Variants in RIN2 observed in about 807,000 individuals in gnomAD.
The protein encoded by RIN2 is RAB5 interacting protein 2.
In RIN2, 36 loss-of-function variants were observed where a neutral mutation model predicts 78.0. That is an observed-to-expected ratio of 0.46 (90% CI 0.35 to 0.61). The LOEUF (loss-of-function observed/expected upper bound fraction) is 0.61. Among genes scored for constraint, RIN2 ranks in the 20% least tolerant of loss-of-function variants. The probability of loss-of-function intolerance (pLI) is 0.00; values close to 1 mark genes in which losing one functional copy is unlikely to be tolerated. For missense variants in RIN2, 1,087 were observed against 1,159.7 expected, an observed-to-expected ratio of 0.94 and a Z score of 0.91; for synonymous variants, 466 against 466.8, an observed-to-expected ratio of 1.00 and a Z score of 0.02.
intron 3 of RIN2, among the ~76,000 whole-genome samples, chr20:19,904,234 A>AG (rs1258625134): frequency 2.2e-5 from 2 of 91,688 alleles, no homozygotes; most frequent in African/African-American, 6.5e-5. Context: ...TTCGTCTCAA[A>AG]AAAAAAATAT....
intron 8 of RIN2, among the ~76,000 whole-genome samples, chr20:19,971,341 A>G (rs2042101143): frequency 6.6e-6 from 1 of 152,036 alleles, no homozygotes; most frequent in Admixed American, 6.6e-5. Flanking sequence ...CCTGCCGGGG[A>G]TCCTTGGTCT....
At chr20:19,931,637 C>A (rs1311335806) in intron 3 of RIN2, among the ~76,000 whole-genome samples, 2 of 150,636 alleles carry the variant, frequency 1.3e-5, no homozygotes, top group Admixed American at 6.6e-5. Context: ...ATCCATGTAT[C>A]TTTTTCCTTG....
chr20:19,946,423 T>G (rs898324048), intron 4 of RIN2, among the ~76,000 whole-genome samples: 1 of 152,134 alleles, frequency 6.6e-6, no homozygotes, highest in African/African-American at 2.4e-5. Context: ...ATCTACAGGA[T>G]GATCTTCCCA....
At chr20:19,849,249 T>A (rs1224252869) in intron 2 of RIN2, among the ~76,000 whole-genome samples, 1 of 152,214 alleles carries the variant, frequency 6.6e-6, no homozygotes, top group East Asian at 1.9e-4. Context: ...GCCATCTGAA[T>A]ATAGACAGAC....
At chr20:19,980,036 C>G (rs1326424651) in intron 9 of RIN2, among the ~76,000 whole-genome samples, 1 of 101,292 alleles carries the variant, frequency 9.9e-6, no homozygotes, top group Admixed American at 1.3e-4. Context: ...AAGAGTGAAA[C>G]TCCATCTCAA....
intron 2 of RIN2, among the ~76,000 whole-genome samples, chr20:19,824,094 T>C (rs1052888398): frequency 6.6e-6 from 1 of 152,164 alleles, no homozygotes; most frequent in Non-Finnish European, 1.5e-5. Context: ...GAGTTAATTG[T>C]ATAAAAGTTA....
intron 1 of RIN2, among the ~76,000 whole-genome samples, chr20:19,798,186 A>G (rs1441450980): frequency 6.6e-6 from 1 of 152,180 alleles, no homozygotes; most frequent in East Asian, 1.9e-4. Context: ...GCTTTGAAAT[A>G]TAATAAATGC....
At chr20:19,896,355 AT>A (rs1324215097) in intron 3 of RIN2, among the ~76,000 whole-genome samples, 2 of 152,086 alleles carry the variant, frequency 1.3e-5, no homozygotes, top group South Asian at 2.1e-4. Flanking sequence ...CACCCAGCTA[AT>A]TTTTTGTATT....
At chr20:19,907,368 G>C (rs1424011200) in intron 3 of RIN2, among the ~76,000 whole-genome samples, 1 of 152,234 alleles carries the variant, frequency 6.6e-6, no homozygotes, top group Non-Finnish European at 1.5e-5. Context: ...GTTGGGTCTT[G>C]TGGAGGGGAG....
intron 3 of RIN2, among the ~76,000 whole-genome samples, chr20:19,933,568 C>T (rs962904323): frequency 6.6e-6 from 1 of 152,152 alleles, no homozygotes; most frequent in Non-Finnish European, 1.5e-5. Flanking sequence ...CTGAGATCTT[C>T]TCAGCTCCAC....
intron 2 of RIN2, chr20:19,889,191 G>C (rs2038328658): frequency 1.0e-6 from 1 of 985,312 alleles, no homozygotes; most frequent in Admixed American, 6.2e-5. Context: ...TTCTTCAGCT[G>C]TCCCTCTGTG....
intron 1 of RIN2, among the ~76,000 whole-genome samples, chr20:19,770,937 G>A (rs1429807327): frequency 7.0e-6 from 1 of 142,510 alleles, no homozygotes; most frequent in African/African-American, 2.5e-5. Flanking sequence ...TGACAGACCC[G>A]GCATCAAGTG....
intron 2 of RIN2, among the ~76,000 whole-genome samples, chr20:19,852,559 G>A (rs150677406): frequency 2.1e-4 from 32 of 152,294 alleles, no homozygotes; most frequent in East Asian, 3.9e-4. Context: ...TCCAGGTCTC[G>A]TTGCCTGAGG....
chr20:19,990,257 ATGC>A lies in RIN2; in HGVS notation c.2024_2026del (p.Leu675del), dbSNP rs1248311922. 6.2e-7 allele frequency: 1 copy of A among 1,613,646 alleles called. No homozygotes were observed. The highest frequency in any genetic ancestry group is 8.5e-7 in the Non-Finnish European group (1 of 1,179,784). On this transcript the variant is annotated inframe_deletion, in exon 10 of 13. Transcript: ENST00000255006. ...GATGTATTCGCCGGAAAAGAAGGTC[ATGC>A]TGCTGCTGCGGGTCTGCAAGCTCAT...
chr20:19,805,603 C>T (rs545053600), intron 2 of RIN2, among the ~76,000 whole-genome samples: 74 of 152,106 alleles, frequency 4.9e-4, no homozygotes, highest in Non-Finnish European at 9.0e-4. Context: ...GGTTTCGCCA[C>T]GTTGGCCAGG....
intron 1 of RIN2, among the ~76,000 whole-genome samples, chr20:19,766,385 G>A (rs2033885837): frequency 6.6e-6 from 1 of 152,044 alleles, no homozygotes; most frequent in African/African-American, 2.4e-5. Context: ...TGCTTCCATG[G>A]GACGTTGGGA....
intron 2 of RIN2, among the ~76,000 whole-genome samples, chr20:19,805,639 T>G (rs898033643): frequency 1.3e-5 from 2 of 152,084 alleles, no homozygotes; most frequent in African/African-American, 4.8e-5. Context: ...TGATCTCAGA[T>G]GATCTGCCCG....
intron 2 of RIN2, among the ~76,000 whole-genome samples, chr20:19,856,099 T>C (rs1416740033): frequency 1.3e-5 from 2 of 152,074 alleles, no homozygotes; most frequent in South Asian, 2.1e-4. Flanking sequence ...AGAAAAATCT[T>C]TTAAGAGACG....
At chr20:19,946,750 G>T (rs2041109558) in intron 4 of RIN2, among the ~76,000 whole-genome samples, 1 of 146,064 alleles carries the variant, frequency 6.8e-6, no homozygotes, top group South Asian at 2.2e-4. Context: ...AGCAAATTCA[G>T]CTGGGTGCGG....
Sources: gnomAD v4.1 joint callset for allele counts (sites outside exome capture counted in the v4.1 genomes callset) on GRCh38, gnomAD v4.1.1 for gene constraint, MANE v1.5 for transcripts, NCBI Gene and HGNC (gene_info 2026-07-23, HGNC 2026-07-21) for gene names.